Variants in SLC4A10 observed in about 807,000 individuals in gnomAD.
SLC4A10 encodes the protein solute carrier family 4 member 10.
Under a neutral mutation model 137.7 loss-of-function variants are expected in SLC4A10, and 42 were observed. The ratio of observed to expected loss-of-function variants is 0.30; its 90% CI spans 0.24 to 0.39. The LOEUF (loss-of-function observed/expected upper bound fraction) is 0.39, where lower values mean the gene tolerates loss of function less well. Among genes scored for constraint, SLC4A10 ranks in the 10% least tolerant of loss-of-function variants. The pLI, the probability that SLC4A10 is intolerant of heterozygous loss-of-function variation, is 1.00. For missense variants in SLC4A10, 925 were observed against 1,355.0 expected, an observed-to-expected ratio of 0.68 and a Z score of 4.98; for synonymous variants, 474 against 464.1, an observed-to-expected ratio of 1.02 and a Z score of -0.27.
intron 1 of SLC4A10, among the ~76,000 whole-genome samples, chr2:161,672,157 G>T (rs1558996199): frequency 6.6e-6 from 1 of 152,104 alleles, no homozygotes; most frequent in Non-Finnish European, 1.5e-5. Context: ...AGACCTGGTG[G>T]CTTTTGAGAG....
chr2:161,971,788 C>T (rs1024447418), intron 23 of SLC4A10, among the ~76,000 whole-genome samples: 4 of 152,204 alleles, frequency 2.6e-5, no homozygotes, highest in African/African-American at 7.2e-5. Flanking sequence ...CTCTGCCACC[C>T]TTCTCTTCAG....
chr2:161,882,466 G>A lies in SLC4A10; in HGVS notation c.1194+22G>A, dbSNP rs749547357. On this transcript the variant is annotated intron_variant, in intron 10 of 26. Transcript: ENST00000446997. Reference sequence around the variant, plus strand: ...TGAGGTATTTATTCAAGTTCTTTGGGAACATTTTCCCCCATTAGGTATACC... The same window carrying A: ...TGAGGTATTTATTCAAGTTCTTTGGAAACATTTTCCCCCATTAGGTATACC... The A allele has an allele frequency of 1.1e-5, 16 of 1,516,678 alleles. No individual in the cohort carries two copies. In the Admixed American group the frequency reaches 1.4e-4, roughly 13 times the overall value. 94.0% of individuals were successfully genotyped at this position (1,516,678 alleles called of 1,614,324 possible).
chr2:161,710,672 T>A (rs1171127911), intron 1 of SLC4A10: 1 of 455,088 alleles, frequency 2.2e-6, no homozygotes, highest in East Asian at 7.0e-5. Flanking sequence ...CCAGTAATGA[T>A]TGGTCATCTT....
chr2:161,945,131 T>C (rs932770806), intron 16 of SLC4A10, among the ~76,000 whole-genome samples: 3 of 146,204 alleles, frequency 2.1e-5, no homozygotes, highest in African/African-American at 7.5e-5. Flanking sequence ...CAGTTTCATC[T>C]TACTATTTAA....
rs139339630 is a variant in SLC4A10, at chr2:161,950,577, C to T, written c.2380-110C>T. The T allele has an allele frequency of 1.0e-3, 930 of 928,420 alleles. 9 individuals are homozygous for T. In the African/African-American group the frequency reaches 0.014, roughly 14 times the overall value. 57.5% of individuals were successfully genotyped at this position (928,420 alleles called of 1,614,324 possible). On this transcript the variant is annotated intron_variant, in intron 18 of 26. Transcript: ENST00000446997. The stretch of plus-strand genomic sequence containing the variant: ...TTATTATTATTTATTATAGGCCACT[C>T]AGCTCCTCTGTTTATAATTAGGGCT...
At chr2:161,680,115 A>T in intron 1 of SLC4A10, among the ~76,000 whole-genome samples, 1 of 152,048 alleles carries the variant, frequency 6.6e-6, no homozygotes, top group East Asian at 1.9e-4. Flanking sequence ...CTAGAAAACC[A>T]TTTCGGATCC....
chr2:161,783,121 A>C (rs891303747), intron 2 of SLC4A10, among the ~76,000 whole-genome samples: 1 of 152,042 alleles, frequency 6.6e-6, no homozygotes, highest in African/African-American at 2.4e-5. Flanking sequence ...ATTTCATAAG[A>C]GTATAAGTAG....
intron 1 of SLC4A10, among the ~76,000 whole-genome samples, chr2:161,716,061 A>G (rs896524648): frequency 1.3e-5 from 2 of 152,018 alleles, no homozygotes; most frequent in African/African-American, 4.8e-5. Flanking sequence ...TTGTGGTTTT[A>G]ATTTGAATTT....
At chr2:161,915,895 A>G (rs1687009892) in intron 15 of SLC4A10, among the ~76,000 whole-genome samples, 1 of 152,220 alleles carries the variant, frequency 6.6e-6, no homozygotes, top group African/African-American at 2.4e-5. Flanking sequence ...GGACACACAA[A>G]GAGACACTAG....
chr2:161,935,770 C>T (rs894287918), intron 15 of SLC4A10, among the ~76,000 whole-genome samples: 2 of 151,844 alleles, frequency 1.3e-5, no homozygotes, highest in Non-Finnish European at 2.9e-5. Context: ...ATTTGGATGC[C>T]TTTTATTTCT....
At chr2:161,823,665 G>A (rs2057804516) in intron 3 of SLC4A10, among the ~76,000 whole-genome samples, 2 of 152,196 alleles carry the variant, frequency 1.3e-5, no homozygotes, top group African/African-American at 4.8e-5. Flanking sequence ...ACCGTTTCAG[G>A]CAGATAACAT....
chr2:161,825,317 C>T (rs1325268889), intron 3 of SLC4A10, among the ~76,000 whole-genome samples: 1 of 152,062 alleles, frequency 6.6e-6, no homozygotes, highest in Non-Finnish European at 1.5e-5. Flanking sequence ...ATCTTCCTAG[C>T]TCTAGTTTCT....
intron 19 of SLC4A10, among the ~76,000 whole-genome samples, chr2:161,955,035 A>G (rs1266412758): frequency 6.6e-6 from 1 of 152,118 alleles, no homozygotes; most frequent in African/African-American, 2.4e-5. Context: ...TCTCACAGCC[A>G]CCAGCTCCTC....
At chr2:161,780,667 T>A (rs2052903351) in intron 2 of SLC4A10, among the ~76,000 whole-genome samples, 1 of 152,062 alleles carries the variant, frequency 6.6e-6, no homozygotes, top group Admixed American at 6.6e-5. Flanking sequence ...TTTTAAAAAA[T>A]TCTTTCATTT....
intron 4 of SLC4A10, among the ~76,000 whole-genome samples, chr2:161,841,816 A>T (rs1392755745): frequency 6.6e-6 from 1 of 152,238 alleles, no homozygotes; most frequent in African/African-American, 2.4e-5. Context: ...CTCTATGCTT[A>T]TTCACAGTAT....
intron 3 of SLC4A10, among the ~76,000 whole-genome samples, chr2:161,819,501 CT>C (rs112848503): frequency 3.3e-4 from 48 of 144,450 alleles, no homozygotes; most frequent in African/African-American, 4.4e-4. Context: ...TAAAATTTCA[CT>C]TTTTTTTTTT....
At chr2:161,736,185 A>C (rs186807981) in intron 1 of SLC4A10, among the ~76,000 whole-genome samples, 15 of 152,120 alleles carry the variant, frequency 9.9e-5, no homozygotes, top group South Asian at 2.1e-4. Flanking sequence ...TTATTGCCCT[A>C]AGTAATTGAT....
At chr2:161,730,059 G>T (rs1286677019) in intron 1 of SLC4A10, among the ~76,000 whole-genome samples, 1 of 152,184 alleles carries the variant, frequency 6.6e-6, no homozygotes, top group Non-Finnish European at 1.5e-5. Flanking sequence ...AGAGGAAAGA[G>T]TGAAAAGAGC....
intron 1 of SLC4A10, among the ~76,000 whole-genome samples, chr2:161,645,119 T>C (rs549846492): frequency 6.6e-6 from 1 of 152,230 alleles, no homozygotes; most frequent in South Asian, 2.1e-4. Flanking sequence ...TATTAACCCA[T>C]AAGTTGTCCT....
Sources: gnomAD v4.1 joint callset for allele counts (sites outside exome capture counted in the v4.1 genomes callset) on GRCh38, gnomAD v4.1.1 for gene constraint, MANE v1.5 for transcripts, NCBI Gene and HGNC (gene_info 2026-07-23, HGNC 2026-07-21) for gene names.